FAM53A: variants seen among roughly 807,000 people sequenced by gnomAD.
The protein encoded by FAM53A is family with sequence similarity 53 member A, also known as protein FAM53A.
Under a neutral mutation model 26.6 loss-of-function variants are expected in FAM53A, and 28 were observed. The ratio of observed to expected loss-of-function variants is 1.05; its 90% CI spans 0.78 to 1.45. FAM53A has a LOEUF of 1.45. Ranked by LOEUF, FAM53A falls within the 40% of genes most tolerant of loss-of-function variation. FAM53A has a pLI of 0.00. For missense variants in FAM53A, 650 were observed against 575.8 expected (o/e 1.13, Z -1.32); for synonymous variants, 290 against 253.1 (o/e 1.15, Z -1.38).
At chr4:1,639,309 G>A (rs1044633324), downstream of FAM53A, among the ~76,000 whole-genome samples, 38 of 152,284 alleles carry the variant, frequency 2.5e-4, no homozygotes, top group African/African-American at 8.7e-4. Context: ...GGATGACTAC[G>A]CAGGTGACTG....
At chr4:1,673,216 A>G (rs981668896) in intron 1 of FAM53A, among the ~76,000 whole-genome samples, 2 of 152,186 alleles carry the variant, frequency 1.3e-5, no homozygotes, top group African/African-American at 2.4e-5. Flanking sequence ...GGGGGTCCCA[A>G]TGCAGCACGT....
At chr4:1,664,363 C>T (rs1035639209) in intron 2 of FAM53A, among the ~76,000 whole-genome samples, 1 of 152,186 alleles carries the variant, frequency 6.6e-6, no homozygotes, top group Non-Finnish European at 1.5e-5. Flanking sequence ...CGCTTGCTCA[C>T]TGAGGCCGGG....
intron 4 of FAM53A, among the ~76,000 whole-genome samples, chr4:1,650,071 G>A (rs1289932200): frequency 6.4e-5 from 9 of 140,620 alleles, no homozygotes; most frequent in Non-Finnish European, 1.1e-4. Flanking sequence ...TGGCACAGGC[G>A]TGGTGTTTGT....
intron 1 of FAM53A, among the ~76,000 whole-genome samples, chr4:1,632,721 C>T (rs1021557624): frequency 2.0e-5 from 3 of 152,242 alleles, no homozygotes; most frequent in Non-Finnish European, 2.9e-5. Context: ...GCAGTTTGCA[C>T]GCCTGTGTAT....
chr4:1,622,508 G>A (rs897973713), intron 1 of FAM53A, among the ~76,000 whole-genome samples: 2 of 152,308 alleles, frequency 1.3e-5, no homozygotes, highest in Admixed American at 6.5e-5. Context: ...CTGAGGGGCC[G>A]CCCCACCAGC....
intron 4 of FAM53A, chr4:1,644,316 C>T: frequency 6.5e-7 from 1 of 1,535,986 alleles, no homozygotes; most frequent in Non-Finnish European, 8.7e-7. Flanking sequence ...GGACGCGGGA[C>T]TCGCACTCGC....
the FAM53A span, among the ~76,000 whole-genome samples, chr4:1,588,835 T>C: frequency 6.6e-6 from 1 of 152,248 alleles, no homozygotes; most frequent in Non-Finnish European, 1.5e-5. Context: ...AATGATACAA[T>C]GATCTTGTAT....
upstream of FAM53A, among the ~76,000 whole-genome samples, chr4:1,684,872 C>T (rs1487817378): frequency 1.3e-5 from 2 of 152,238 alleles, no homozygotes; most frequent in Non-Finnish European, 2.9e-5. Flanking sequence ...TGCAGGGCTC[C>T]TTCTGGCGAT....
rs1284843048 is a variant in FAM53A, at chr4:1,659,288, T to A, written c.76-1820A>T. On this transcript the variant is annotated intron_variant, in intron 2 of 4. Transcript: ENST00000308132. This position sits in a 1 kb window ranked among gnomAD's most constrained non-coding sequence, Gnocchi z 5.2. The stretch of plus-strand genomic sequence containing the variant: ...CAGCTCTGCTAAAGGACTTGAAGGC[T>A]TTCACGCCACAGGGACCCTTGTTGC... Among the ~76,000 whole-genome samples, 1 of 152,058 alleles carries A rather than the reference T, an allele frequency of 6.6e-6. No homozygotes were observed.
rs112428729 is a variant in FAM53A, at chr4:1,677,063, G to A, written c.-165+7170C>T. 5.9e-4 allele frequency among the ~76,000 whole-genome samples: 90 copies of A among 152,274 alleles called. 5 individuals are homozygous for A. Among genetic ancestry groups the A allele is most frequent in the African/African-American group, 2.0e-3 (84 of 41,546 alleles). On this transcript the variant is annotated intron_variant, in intron 1 of 4. Transcript: ENST00000308132. ...CCTTGTGCTCAGCACTGGCGGGGCT[G>A]TGCTCTAGCCCACTCGGGGCACCCC...
At chr4:1,623,341 CCCA>C (rs1456672734) in intron 1 of FAM53A, among the ~76,000 whole-genome samples, 1 of 144,894 alleles carries the variant, frequency 6.9e-6, no homozygotes, top group African/African-American at 2.5e-5. Flanking sequence ...CACCCCCACC[CCCA>C]CCGCAGCCCC....
chr4:1,617,312 T>C (rs1487703316), downstream of FAM53A, among the ~76,000 whole-genome samples: 1 of 152,176 alleles, frequency 6.6e-6, no homozygotes, highest in African/African-American at 2.4e-5. Context: ...ATTTATGGTG[T>C]TTCTGAGTAC....
chr4:1,606,471 A>C, the FAM53A span, among the ~76,000 whole-genome samples: 1 of 152,072 alleles, frequency 6.6e-6, no homozygotes, highest in Admixed American at 6.5e-5. Context: ...GATGCCCTTC[A>C]GATTCTAGAA....
At chr4:1,658,602 G>A (rs1713592386) in intron 2 of FAM53A, among the ~76,000 whole-genome samples, 2 of 152,262 alleles carry the variant, frequency 1.3e-5, no homozygotes. Flanking sequence ...AAGCCACAGG[G>A]CGTGGTGGCA....
the FAM53A span, among the ~76,000 whole-genome samples, chr4:1,604,570 C>A: frequency 2.6e-5 from 4 of 152,034 alleles, no homozygotes; most frequent in Non-Finnish European, 5.9e-5. Flanking sequence ...AGACTCAGGG[C>A]GGGTCAGGGC....
chr4:1,643,590 A>C (rs1711957054), intron 4 of FAM53A, among the ~76,000 whole-genome samples: 1 of 146,304 alleles, frequency 6.8e-6, no homozygotes, highest in Non-Finnish European at 1.5e-5. Flanking sequence ...TTTTTGAGAC[A>C]GGGTCTTGCT....
At chr4:1,603,163 T>G in the FAM53A span, among the ~76,000 whole-genome samples, 1 of 152,134 alleles carries the variant, frequency 6.6e-6, no homozygotes, top group Non-Finnish European at 1.5e-5. Flanking sequence ...GCAAGGAGCC[T>G]CTCTGTGCCT....
At chr4:1,619,907 T>C (rs763556059) in intron 1 of FAM53A, among the ~76,000 whole-genome samples, 14 of 152,182 alleles carry the variant, frequency 9.2e-5, no homozygotes, top group Non-Finnish European at 1.9e-4. Flanking sequence ...CATTTCCTTA[T>C]ACTTTATTAA....
chr4:1,615,491 T>C (rs1209583810), downstream of FAM53A, among the ~76,000 whole-genome samples: 365 of 49,250 alleles, frequency 7.4e-3, no homozygotes, highest in East Asian at 9.9e-3. Context: ...CACGCCCACC[T>C]CACCTGGGCA....
Sources: allele counts gnomAD v4.1 joint callset (sites outside exome capture counted in the v4.1 genomes callset), GRCh38; gene constraint gnomAD v4.1.1; non-coding constraint Gnocchi (gnomAD v3.1); transcripts MANE v1.5; gene names NCBI Gene and HGNC (gene_info 2026-07-23, HGNC 2026-07-21).